MOK: variants seen among roughly 807,000 people sequenced by gnomAD.
MOK encodes MOK protein kinase.
MOK carries 59 observed loss-of-function variants against 54.2 expected under a neutral mutation model. The ratio of observed to expected loss-of-function variants is 1.09; its 90% CI spans 0.88 to 1.35. The LOEUF (loss-of-function observed/expected upper bound fraction) is 1.35. Ranked by LOEUF, MOK falls within the 40% of genes most tolerant of loss-of-function variation. The probability of loss-of-function intolerance (pLI) is 0.00; values close to 1 mark genes in which losing one functional copy is unlikely to be tolerated. For synonymous variants in MOK, 210 were observed against 202.7 expected, an observed-to-expected ratio of 1.04 and a Z score of -0.31; for missense variants, 517 against 526.2, an observed-to-expected ratio of 0.98 and a Z score of 0.17.
intron 1 of MOK, among the ~76,000 whole-genome samples, chr14:102,290,384 G>A (rs1403696758): frequency 6.6e-6 from 1 of 151,672 alleles, no homozygotes; most frequent in Admixed American, 6.6e-5. Context: ...AGGTTGCGGT[G>A]AGCCGAGATC....
chr14:102,216,262 A>G, the MOK span, among the ~76,000 whole-genome samples: 2 of 152,230 alleles, frequency 1.3e-5, no homozygotes, highest in African/African-American at 4.8e-5. Context: ...CCTGGGGCCT[A>G]CGACTGCCAC....
chr14:102,217,964 G>T, the MOK span, among the ~76,000 whole-genome samples: 1 of 152,224 alleles, frequency 6.6e-6, no homozygotes, highest in African/African-American at 2.4e-5. Context: ...CAGGGGCTAC[G>T]TGCAGGGCCA....
At chr14:102,269,496 G>A (rs1160634341) in intron 2 of MOK, among the ~76,000 whole-genome samples, 7 of 140,510 alleles carry the variant, frequency 5.0e-5, no homozygotes, top group Non-Finnish European at 7.7e-5. Flanking sequence ...TTTGTGAGAC[G>A]GAGTCTTGCT....
At chr14:102,225,517 T>C (rs6575901), downstream of MOK, 52,413 of 151,926 alleles carry the variant, frequency 0.34, 12,598 homozygotes, top group African/African-American at 0.69. Context: ...AAAACTTTTG[T>C]TGGCCCCGAG....
Position 102,230,071 on chromosome 14 carries a change from T to G in MOK, c.982-414A>C, listed in dbSNP as rs2064533270. The G allele has an allele frequency of 5.0e-6, 1 of 198,868 alleles. No homozygotes were observed. Among genetic ancestry groups the G allele is most frequent in the African/African-American group, 2.3e-5 (1 of 42,676 alleles). The allele number at this position is 198,868 out of a possible 1,614,324, so 12.3% of individuals were successfully genotyped here. A position where few individuals can be genotyped will look rare whatever the true frequency, so the allele number is the denominator to read the frequency against. ...TTTGTTTGTTTTGAGACACGGTGTT[T>G]GTTGCTCTGTAGCACAGACTGGAGT... On this transcript the variant is annotated intron_variant, in intron 10 of 11. Coordinates refer to ENST00000361847, the MANE Select transcript of MOK (RefSeq NM_014226.3). This position sits in a 1 kb window ranked among gnomAD's most constrained non-coding sequence, Gnocchi z 4.1.
Position 102,263,602 on chromosome 14 carries a change from C to T in MOK, c.227G>A (p.Gly76Asp). 6.2e-7 allele frequency: 1 copy of T among 1,603,908 alleles called. No individual in the cohort carries two copies. Among genetic ancestry groups the T allele is most frequent in the East Asian group, 2.2e-5 (1 of 44,576 alleles). Reference sequence around the variant, plus strand: ...AAGTTCACATATTAGTGCAAGAGAACCAGATTTTCTGTCACTGAAGAAGAA... The same window carrying T: ...AAGTTCACATATTAGTGCAAGAGAATCAGATTTTCTGTCACTGAAGAAGAA... ...LHEVVFDRKS[G>D]SLALICELMD... The change falls in exon 4 of 12, where the codon GGT becomes GAT. Residue 76 changes from glycine (G) to aspartate (D), a missense_variant. By Grantham distance (94) the Gly-to-Asp change is moderately conservative. Coordinates refer to ENST00000361847, the MANE Select transcript of MOK (RefSeq NM_014226.3).
intron 7 of MOK, 39 bp from the exon 8 acceptor site, chr14:102,233,828 C>G (rs1157969823): frequency 6.9e-7 from 1 of 1,447,836 alleles, no homozygotes; most frequent in South Asian, 1.1e-5. Flanking sequence ...AGTGTTAGGG[C>G]AGAGCCAACA....
rs779473977 is a variant in MOK, at chr14:102,229,258, C to G, written c.*31G>C. 9.3e-5 allele frequency: 145 copies of G among 1,559,170 alleles called. No homozygotes were observed. Among genetic ancestry groups the G allele is most frequent in the Non-Finnish European group, 1.2e-4 (140 of 1,150,248 alleles). On this transcript the variant is annotated 3_prime_UTR_variant, in exon 12 of 12. Coordinates refer to ENST00000361847, the MANE Select transcript of MOK (RefSeq NM_014226.3). ...CCTGGCCCGGTCGGGCTTGGTGTTGCCTCCGAAGTCGAGACGACGGTGCTG... is the reference window on the plus strand; with the variant it reads ...CCTGGCCCGGTCGGGCTTGGTGTTGGCTCCGAAGTCGAGACGACGGTGCTG...
chr14:102,282,358 A>G (rs2069532775), intron 2 of MOK, among the ~76,000 whole-genome samples: 1 of 151,984 alleles, frequency 6.6e-6, no homozygotes, highest in Non-Finnish European at 1.5e-5. Context: ...TTATATTAAT[A>G]TAATATTAAT....
chr14:102,221,824 T>A (rs1390967308), downstream of MOK, among the ~76,000 whole-genome samples: 1 of 152,178 alleles, frequency 6.6e-6, no homozygotes, highest in Non-Finnish European at 1.5e-5. This position sits in a 1 kb window ranked among gnomAD's most constrained non-coding sequence, Gnocchi z 4.8. Context: ...TAAAGGCTTG[T>A]CATTTGTAAA....
At chr14:102,296,919 G>A (rs4583170) in intron 1 of MOK, among the ~76,000 whole-genome samples, 6,777 of 151,986 alleles carry the variant, frequency 0.045, 325 homozygotes, top group African/African-American at 0.12. Flanking sequence ...TTACCCAGGC[G>A]TGGTGGCAGA....
chr14:102,222,990 G>A, downstream of MOK: 1 of 1,374,752 alleles, frequency 7.3e-7, no homozygotes, highest in Non-Finnish European at 1.0e-6. The surrounding 1 kb of genome is among the most constrained non-coding windows in gnomAD (Gnocchi z 4.4). Flanking sequence ...ACCTCAGGCG[G>A]TGGACGTCGG....
At chr14:102,279,413 A>G (rs2069188342) in intron 2 of MOK, among the ~76,000 whole-genome samples, 1 of 151,780 alleles carries the variant, frequency 6.6e-6, no homozygotes, top group East Asian at 1.9e-4. Context: ...CAATCCCCCC[A>G]CTTCACCCTC....
intron 4 of MOK, among the ~76,000 whole-genome samples, chr14:102,252,428 C>T (rs2066607334): frequency 6.6e-6 from 1 of 151,706 alleles, no homozygotes; most frequent in Non-Finnish European, 1.5e-5. Context: ...ACACTCCAGC[C>T]TGGGCAACAG....
intron 1 of MOK, among the ~76,000 whole-genome samples, chr14:102,298,884 T>A (rs1030580872): frequency 6.6e-6 from 1 of 152,046 alleles, no homozygotes; most frequent in African/African-American, 2.4e-5. Context: ...CCAGGAGGAA[T>A]GAACAAGTCC....
Position 102,229,074 on chromosome 14 carries a change from C to G in MOK, c.*215G>C. 2.0e-6 allele frequency: 1 copy of G among 511,196 alleles called. No homozygotes were observed. Among genetic ancestry groups the G allele is most frequent in the South Asian group, 3.6e-5 (1 of 27,408 alleles). The allele number at this position is 511,196 out of a possible 1,614,324, so 31.7% of individuals were successfully genotyped here. On this transcript the variant is annotated 3_prime_UTR_variant, in exon 12 of 12. Transcript: ENST00000361847. ...GAAAATGAAAGAAAACCCTAGAATG[C>G]GGTGGTTTTACAAGTATATTAGCCC...
intron 1 of MOK, among the ~76,000 whole-genome samples, chr14:102,294,736 T>C (rs896013870): frequency 6.6e-6 from 1 of 152,206 alleles, no homozygotes; most frequent in Non-Finnish European, 1.5e-5. Context: ...CAATTCCAAT[T>C]TGTGTTTCAT....
chr14:102,270,100 A>G (rs2068233852), intron 2 of MOK, among the ~76,000 whole-genome samples: 1 of 152,250 alleles, frequency 6.6e-6, no homozygotes, highest in Non-Finnish European at 1.5e-5. Context: ...AATGGATTAA[A>G]TTAGAAATCA....
rs1274055845 is a variant in MOK, at chr14:102,229,009, A to T, written c.*280T>A. On this transcript the variant is annotated 3_prime_UTR_variant, in exon 12 of 12. Coordinates refer to ENST00000361847, the MANE Select transcript of MOK (RefSeq NM_014226.3). ...TGCCTGCTCGTTTGTTTTGATTCAT[A>T]TACAAAGTTACAAAGTATTTCCTGC... 4.3e-6 allele frequency: 2 copies of T among 467,562 alleles called. No homozygotes were observed. Among genetic ancestry groups the T allele is most frequent in the Non-Finnish European group, 7.5e-6 (2 of 266,482 alleles). The allele number at this position is 467,562 out of a possible 1,614,324, so 29.0% of individuals were successfully genotyped here.
Sources: allele counts gnomAD v4.1 joint callset (sites outside exome capture counted in the v4.1 genomes callset), GRCh38; gene constraint gnomAD v4.1.1; non-coding constraint Gnocchi (gnomAD v3.1); transcripts MANE v1.5; gene names NCBI Gene and HGNC (gene_info 2026-07-23, HGNC 2026-07-21).